Variants in LNPK observed in about 807,000 individuals in gnomAD.
LNPK encodes lunapark, ER junction formation factor, also known as endoplasmic reticulum junction formation protein lunapark.
In LNPK, 29 loss-of-function variants were observed where a neutral mutation model predicts 55.2. The ratio of observed to expected loss-of-function variants is 0.53; its 90% CI spans 0.39 to 0.72. The LOEUF (loss-of-function observed/expected upper bound fraction) is 0.72, where lower values mean the gene tolerates loss of function less well. LNPK is among the 30% of genes least tolerant of loss of function. LNPK has a pLI of 0.00. For missense variants in LNPK, 467 were observed against 494.8 expected, an observed-to-expected ratio of 0.94 and a Z score of 0.53; for synonymous variants, 162 against 168.2, an observed-to-expected ratio of 0.96 and a Z score of 0.29.
chr2:175,995,725 A>C, intron 1 of LNPK, 79 bp from the exon 2 acceptor site: 1 of 493,602 alleles, frequency 2.0e-6, no homozygotes, highest in Non-Finnish European at 3.6e-6. Context: ...ACTGCCTAAA[A>C]AATGTTATGA....
chr2:175,997,980 G>C (rs1688011139), intron 1 of LNPK, among the ~76,000 whole-genome samples: 1 of 151,184 alleles, frequency 6.6e-6, no homozygotes, highest in African/African-American at 2.4e-5. Flanking sequence ...GGCCTCAAGT[G>C]ATCTGCCCAC....
chr2:175,991,341 C>T (rs1287094742), intron 4 of LNPK, among the ~76,000 whole-genome samples: 2 of 151,960 alleles, frequency 1.3e-5, no homozygotes, highest in East Asian at 3.8e-4. Context: ...CAAAAGATTT[C>T]AAAAAATGAA....
At chr2:175,942,572 C>A (rs796307938) in intron 9 of LNPK, among the ~76,000 whole-genome samples, 1 of 151,626 alleles carries the variant, frequency 6.6e-6, no homozygotes, top group South Asian at 2.1e-4. Context: ...AAATAACATA[C>A]ATTTGAATAA....
chr2:175,989,619 C>G (rs1053504329), intron 4 of LNPK, among the ~76,000 whole-genome samples: 4 of 152,032 alleles, frequency 2.6e-5, no homozygotes, highest in African/African-American at 9.7e-5. Flanking sequence ...TAGCATAATG[C>G]AGAAATACAA....
At chr2:175,993,471 A>G (rs78915169) in intron 2 of LNPK, among the ~76,000 whole-genome samples, 1,944 of 152,326 alleles carry the variant, frequency 0.013, 40 homozygotes, top group African/African-American at 0.044. Flanking sequence ...TAATTCTGAT[A>G]GCTCAATTTT....
At chr2:175,989,159 A>T (rs551899998) in intron 4 of LNPK, among the ~76,000 whole-genome samples, 1 of 152,304 alleles carries the variant, frequency 6.6e-6, no homozygotes, top group South Asian at 2.1e-4. Context: ...TTGTCAACCT[A>T]GCTGGATTGA....
Position 175,947,498 on chromosome 2 carries a change from T to C in LNPK, c.688A>G (p.Thr230Ala). 6.2e-7 allele frequency: 1 copy of C among 1,613,432 alleles called. No homozygotes were observed. Among genetic ancestry groups the C allele is most frequent in the Non-Finnish European group, 8.5e-7 (1 of 1,179,728 alleles). ...VLPRHLGSPA[T>A]SVPGMGLHPP... Reference sequence around the variant, plus strand: ...TGTTTACCCATTCCAGGCACTGAAGTAGCAGGGGATCCAAGATGTCTTGGT... The same window carrying C: ...TGTTTACCCATTCCAGGCACTGAAGCAGCAGGGGATCCAAGATGTCTTGGT... The change falls in exon 9 of 13, where the codon ACT (threonine) becomes GCT (alanine). Residue 230 changes from threonine (T) to alanine (A), a missense_variant. Thr to Ala is a moderately conservative substitution (Grantham distance 58, BLOSUM62 0). Transcript: ENST00000272748.
intron 12 of LNPK, chr2:175,935,770 A>G: frequency 1.0e-6 from 1 of 972,208 alleles, no homozygotes; most frequent in Non-Finnish European, 1.2e-6. Context: ...AGAAAATGAG[A>G]CGTCTGGGGT....
intron 1 of LNPK, among the ~76,000 whole-genome samples, chr2:175,996,390 C>G (rs1286087580): frequency 2.6e-5 from 4 of 152,114 alleles, no homozygotes; most frequent in Admixed American, 6.5e-5. Context: ...AGAATATCAC[C>G]TTACAAGTAA....
intron 4 of LNPK, among the ~76,000 whole-genome samples, chr2:175,990,097 C>G (rs762697070): frequency 6.6e-6 from 1 of 152,164 alleles, no homozygotes; most frequent in African/African-American, 2.4e-5. Flanking sequence ...TAAGTAAATC[C>G]GAGTCCAGCC....
intron 12 of LNPK, among the ~76,000 whole-genome samples, chr2:175,936,272 T>A (rs2105525000): frequency 6.6e-6 from 1 of 152,142 alleles, no homozygotes; most frequent in South Asian, 2.1e-4. Context: ...CCAAGCCCAA[T>A]TCAACACACA....
Position 175,951,607 on chromosome 2 carries a change from A to ATATATATATATATATATATATATATC in LNPK, c.494-3916_494-3915insGATATATATATATATATATATATATA, listed in dbSNP as rs972901665. Among the ~76,000 whole-genome samples, 82 of 121,678 alleles carry ATATATATATATATATATATATATATC rather than the reference A, an allele frequency of 6.7e-4. 2 individuals are homozygous for ATATATATATATATATATATATATATC. Among genetic ancestry groups the ATATATATATATATATATATATATATC allele is most frequent in the Non-Finnish European group, 1.1e-3 (59 of 53,022 alleles). The allele number at this position is 121,678 out of a possible 152,430, so 79.8% of individuals were successfully genotyped here. ...TTCATATATATATATATATATATAT[A>ATATATATATATATATATATATATATC]TATCTCAGTTTCTTTATCCACTCAT... On this transcript the variant is annotated intron_variant, in intron 8 of 12. Transcript: ENST00000272748.
In LNPK at chr2:175,926,829, A is replaced by G. The variant is rs1045629859; in HGVS notation, c.*3138T>C. The G allele has an allele frequency of 6.6e-6, 1 of 152,214 alleles. No homozygotes were observed. The highest frequency in any genetic ancestry group is 1.5e-5 in the Non-Finnish European group (1 of 68,038). The allele number at this position is 152,214 out of a possible 1,614,324, so 9.4% of individuals were successfully genotyped here. A position where few individuals can be genotyped will look rare whatever the true frequency, so the allele number is the denominator to read the frequency against. On this transcript the variant is annotated 3_prime_UTR_variant, in exon 13 of 13. Transcript: ENST00000272748. ...AGCTTCTGGCTTAGAGAGTAACTCTATTTGATTAGATGAGAAACATAAACG... is the reference window on the plus strand; with the variant it reads ...AGCTTCTGGCTTAGAGAGTAACTCTGTTTGATTAGATGAGAAACATAAACG...
At chr2:175,945,192 C>T (rs1685062813) in intron 9 of LNPK, among the ~76,000 whole-genome samples, 1 of 149,778 alleles carries the variant, frequency 6.7e-6, no homozygotes, top group Non-Finnish European at 1.5e-5. Context: ...AGCCACCGTG[C>T]CCGGCTCTCA....
intron 8 of LNPK, among the ~76,000 whole-genome samples, chr2:175,956,278 CAAAA>C (rs10630601): frequency 2.8e-5 from 3 of 108,540 alleles, no homozygotes; most frequent in Non-Finnish European, 1.9e-5. Context: ...ACCATGTATT[CAAAA>C]AAAAAAAAAA....
At chr2:175,993,497 C>T (rs1349517186) in intron 2 of LNPK, among the ~76,000 whole-genome samples, 1 of 152,146 alleles carries the variant, frequency 6.6e-6, no homozygotes, top group African/African-American at 2.4e-5. Flanking sequence ...TTCTTAACCT[C>T]AATAGAACAC....
chr2:175,968,192 G>A (rs911967894), intron 6 of LNPK, among the ~76,000 whole-genome samples: 2 of 152,124 alleles, frequency 1.3e-5, no homozygotes, highest in African/African-American at 4.8e-5. Context: ...CTTGCCTTCA[G>A]CTGACATTAG....
At chr2:175,981,095 A>G (rs1391916570) in intron 4 of LNPK, among the ~76,000 whole-genome samples, 1 of 152,230 alleles carries the variant, frequency 6.6e-6, no homozygotes, top group African/African-American at 2.4e-5. Flanking sequence ...AGTAGTCACC[A>G]GTGATCCCTG....
At chr2:175,974,736 C>T (rs1462010241) in intron 5 of LNPK, among the ~76,000 whole-genome samples, 1 of 151,936 alleles carries the variant, frequency 6.6e-6, no homozygotes, top group Non-Finnish European at 1.5e-5. Flanking sequence ...GAATAAAAAA[C>T]AAGGACAGGA....
Sources: gnomAD v4.1 joint callset for allele counts (sites outside exome capture counted in the v4.1 genomes callset) on GRCh38, gnomAD v4.1.1 for gene constraint, MANE v1.5 for transcripts, NCBI Gene and HGNC (gene_info 2026-07-23, HGNC 2026-07-21) for gene names.